WDFY3: variants seen among roughly 807,000 people sequenced by gnomAD.
WDFY3 encodes WD repeat and FYVE domain-containing protein 3.
In WDFY3, 66 loss-of-function variants were observed where a neutral mutation model predicts 409.6. The ratio of observed to expected loss-of-function variants is 0.16; its 90% CI spans 0.13 to 0.20. WDFY3 has a LOEUF of 0.20. Among genes scored for constraint, WDFY3 ranks in the 10% least tolerant of loss-of-function variants. The pLI is 1.00. For missense variants in WDFY3, 3,031 were observed against 4,298.1 expected (o/e 0.71, Z 8.24); for synonymous variants, 1,521 against 1,537.1 (o/e 0.99, Z 0.25).
intron 30 of WDFY3, among the ~76,000 whole-genome samples, chr4:84,769,039 G>A (rs1221353417): frequency 1.3e-5 from 2 of 152,176 alleles, no homozygotes; most frequent in African/African-American, 4.8e-5. Context: ...TGCAGATGTG[G>A]TAGAAACAGC....
rs1446154302 is a variant in WDFY3, at chr4:84,757,267, A to AT, written c.5189-107_5189-106insA. ...AGTATGTGTTAACATTTCTATCCAG[A>AT]ACATTCATACTACTATAGGCAATTA... On this transcript the variant is annotated intron_variant, in intron 32 of 67. Coordinates refer to ENST00000295888, the MANE Select transcript of WDFY3 (RefSeq NM_014991.6). 8 of 978,626 alleles carry AT rather than the reference A, an allele frequency of 8.2e-6. No homozygotes were observed. The African/African-American group carries it at 1.3e-4, about 16-fold the overall frequency. The allele number at this position is 978,626 out of a possible 1,614,324, so 60.6% of individuals were successfully genotyped here. A position where few individuals can be genotyped will look rare whatever the true frequency, so the allele number is the denominator to read the frequency against.
chr4:84,800,995 C>T (rs1040238432), intron 17 of WDFY3, among the ~76,000 whole-genome samples: 1 of 152,082 alleles, frequency 6.6e-6, no homozygotes, highest in African/African-American at 2.4e-5. Context: ...AACGACAAAA[C>T]TATGGAGATG....
At chr4:84,847,962 T>C (rs537027786) in intron 5 of WDFY3, among the ~76,000 whole-genome samples, 2 of 148,750 alleles carry the variant, frequency 1.3e-5, no homozygotes, top group African/African-American at 5.0e-5. Context: ...AAGAGATAGA[T>C]GATAAAATTG....
Position 84,671,509 on chromosome 4 carries a change from T to G in WDFY3, c.*1359A>C, listed in dbSNP as rs992202458. ...AATATATATTATATATATATATATA[T>G]GTACATAACACACATTTAAAAAAAT... On this transcript the variant is annotated 3_prime_UTR_variant, in exon 68 of 68. Transcript: ENST00000295888. 1.3e-5 allele frequency: 2 copies of G among 150,188 alleles called. No homozygotes were observed. Among genetic ancestry groups the G allele is most frequent in the Non-Finnish European group, 1.5e-5 (1 of 67,500 alleles). 9.3% of individuals were successfully genotyped at this position (150,188 alleles called of 1,614,324 possible).
intron 3 of WDFY3, among the ~76,000 whole-genome samples, chr4:84,868,014 C>A (rs1761639477): frequency 1.3e-5 from 2 of 151,202 alleles, no homozygotes; most frequent in Admixed American, 1.3e-4. Context: ...ACTAAAAATA[C>A]AAAAATTAGC....
At chr4:84,744,450 AAC>A (rs1399281595) in intron 36 of WDFY3, among the ~76,000 whole-genome samples, 1 of 152,172 alleles carries the variant, frequency 6.6e-6, no homozygotes, top group African/African-American at 2.4e-5. Context: ...TATAAAAAGA[AAC>A]ACATAGCGTC....
chr4:84,675,584 G>A (rs891810437), intron 67 of WDFY3, among the ~76,000 whole-genome samples: 4 of 152,164 alleles, frequency 2.6e-5, no homozygotes, highest in Non-Finnish European at 5.9e-5. Context: ...TGGCATTATG[G>A]CAACAGAAAG....
At chr4:84,751,798 G>C in intron 35 of WDFY3, 82 bp from the exon 36 acceptor site, 1 of 1,461,424 alleles carries the variant, frequency 6.8e-7, no homozygotes, top group Non-Finnish European at 9.5e-7. Context: ...AATAAAACTG[G>C]AGCAGCAGCA....
intron 44 of WDFY3, among the ~76,000 whole-genome samples, chr4:84,731,070 T>C (rs909294652): frequency 6.6e-6 from 1 of 152,164 alleles, no homozygotes; most frequent in Admixed American, 6.5e-5. Context: ...GTGCTGGGAT[T>C]ACAGGTGTGA....
At chr4:84,720,119 G>A (rs1030865340) in intron 47 of WDFY3, among the ~76,000 whole-genome samples, 1 of 152,084 alleles carries the variant, frequency 6.6e-6, no homozygotes, top group African/African-American at 2.4e-5. Context: ...TTATGCAACT[G>A]GACCTGTGTA....
chr4:84,891,659 T>C (rs895627756), intron 3 of WDFY3, among the ~76,000 whole-genome samples: 2 of 152,108 alleles, frequency 1.3e-5, no homozygotes, highest in Admixed American at 6.6e-5. Flanking sequence ...TAAAAAATTA[T>C]ATAATGGGAA....
chr4:84,750,484 T>A (rs1740332936), intron 36 of WDFY3, among the ~76,000 whole-genome samples: 1 of 151,966 alleles, frequency 6.6e-6, no homozygotes, highest in Non-Finnish European at 1.5e-5. Context: ...AAAAAAAATC[T>A]CAGGTTCAGC....
At chr4:84,832,152 A>G (rs949311328) in intron 7 of WDFY3, among the ~76,000 whole-genome samples, 4 of 152,216 alleles carry the variant, frequency 2.6e-5, no homozygotes, top group African/African-American at 9.6e-5. Flanking sequence ...AATACTATTC[A>G]GCCATAAAAA....
At chr4:84,774,719 T>G in intron 29 of WDFY3, 101 bp downstream of exon 29, 1 of 1,200,706 alleles carries the variant, frequency 8.3e-7, no homozygotes, top group Non-Finnish European at 1.2e-6. Flanking sequence ...TTACAGGTGT[T>G]ATTACACAGT....
At chr4:84,824,717 T>C (rs2149853384) in intron 10 of WDFY3, among the ~76,000 whole-genome samples, 1 of 152,234 alleles carries the variant, frequency 6.6e-6, no homozygotes, top group South Asian at 2.1e-4. Flanking sequence ...AATTCAACAC[T>C]CAATTGAGTA....
At chr4:84,709,853 G>A (rs563742604) in intron 51 of WDFY3, among the ~76,000 whole-genome samples, 2 of 152,056 alleles carry the variant, frequency 1.3e-5, no homozygotes, top group South Asian at 4.1e-4. Flanking sequence ...CAGCCTCCTG[G>A]GTAGCTGGGA....
intron 60 of WDFY3, 113 bp downstream of exon 60, chr4:84,691,518 G>C: frequency 1.7e-6 from 2 of 1,177,602 alleles, no homozygotes; most frequent in Admixed American, 2.3e-5. Context: ...TTGGGCTTTG[G>C]AGGAACAGCT....
At chr4:84,713,494 T>C (rs1339603090) in intron 50 of WDFY3, among the ~76,000 whole-genome samples, 1 of 152,330 alleles carries the variant, frequency 6.6e-6, no homozygotes, top group African/African-American at 2.4e-5. Flanking sequence ...TCACTTTACT[T>C]AGCTCTTCCC....
chr4:84,898,104 T>C (rs904231188), intron 2 of WDFY3, among the ~76,000 whole-genome samples: 3 of 152,176 alleles, frequency 2.0e-5, no homozygotes, highest in Admixed American at 1.3e-4. Context: ...TACAAATTAA[T>C]TTAAATATAT....
Sources: allele counts gnomAD v4.1 joint callset (sites outside exome capture counted in the v4.1 genomes callset), GRCh38; gene constraint gnomAD v4.1.1; transcripts MANE v1.5; gene names NCBI Gene and HGNC (gene_info 2026-07-23, HGNC 2026-07-21).